Variants in SPTBN1 observed in about 807,000 individuals in gnomAD.
The protein encoded by SPTBN1 is spectrin beta, non-erythrocytic 1, also known as spectrin beta chain, non-erythrocytic 1.
SPTBN1 carries 32 observed loss-of-function variants against 266.4 expected under a neutral mutation model. The ratio of observed to expected loss-of-function variants is 0.12; its 90% CI spans 0.09 to 0.16. The LOEUF is 0.16. SPTBN1 is among the 10% of genes least tolerant of loss of function. The pLI, the probability that SPTBN1 is intolerant of heterozygous loss-of-function variation, is 1.00. For missense variants in SPTBN1, 2,296 were observed against 3,067.1 expected, an observed-to-expected ratio of 0.75 and a Z score of 5.94; for synonymous variants, 1,336 against 1,162.2, an observed-to-expected ratio of 1.15 and a Z score of -3.04.
intron 1 of SPTBN1, among the ~76,000 whole-genome samples, chr2:54,491,601 C>T (rs1470732047): frequency 6.6e-6 from 1 of 152,020 alleles, no homozygotes; most frequent in Admixed American, 6.6e-5. Context: ...TAATTTCTCT[C>T]TCTTTTTTTT....
intron 2 of SPTBN1, among the ~76,000 whole-genome samples, chr2:54,571,804 A>G (rs746234777): frequency 2.0e-5 from 3 of 152,216 alleles, no homozygotes; most frequent in Non-Finnish European, 2.9e-5. Flanking sequence ...GCAGTAATGC[A>G]TATGTTTTAA....
chr2:54,658,186 TG>T lies in SPTBN1; in HGVS notation c.6243+143del. The T allele has an allele frequency of 7.7e-6, 8 of 1,033,970 alleles. No individual in the cohort carries two copies. The South Asian group carries it at 9.7e-5, about 13-fold the overall frequency. The allele number at this position is 1,033,970 out of a possible 1,614,324, so 64.0% of individuals were successfully genotyped here. A position where few individuals can be genotyped will look rare whatever the true frequency, so the allele number is the denominator to read the frequency against. On this transcript the variant is annotated intron_variant, in intron 30 of 35. Transcript: ENST00000356805. ...TCAAGTAGTGAAGATCATCTTAAAA[TG>T]GGTGGCTCCTGTGGAGCAGGACCTA...
At chr2:54,627,746 T>C (rs1190038429) in intron 12 of SPTBN1, among the ~76,000 whole-genome samples, 1 of 152,162 alleles carries the variant, frequency 6.6e-6, no homozygotes, top group Non-Finnish European at 1.5e-5. Context: ...TTTTGGAATC[T>C]TTCATACAGC....
At chr2:54,620,074 C>G (rs1469491699) in intron 7 of SPTBN1, among the ~76,000 whole-genome samples, 2 of 152,198 alleles carry the variant, frequency 1.3e-5, no homozygotes, top group African/African-American at 4.8e-5. Context: ...CAAAGACTTG[C>G]CATTTTAAGT....
Position 54,666,031 on chromosome 2 carries a change from A to G in SPTBN1, c.6776A>G (p.Glu2259Gly), listed in dbSNP as rs763973529. 2.7e-5 allele frequency: 44 copies of G among 1,613,990 alleles called. No homozygotes were observed. Among genetic ancestry groups the G allele is most frequent in the Non-Finnish European group, 3.2e-5 (38 of 1,180,012 alleles). ...YHSEVPVSLK[E>G]AVCEVALDYK... Reference sequence around the variant, plus strand: ...AGCGAGGTCCCTGTGAGTTTGAAAGAAGCTGTCTGCGAAGTGGCCCTTGAT... The same window carrying G: ...AGCGAGGTCCCTGTGAGTTTGAAAGGAGCTGTCTGCGAAGTGGCCCTTGAT... The change falls in exon 34 of 36, where the codon GAA becomes GGA. Residue 2259 changes from glutamate to glycine, a missense_variant. Around this residue, in one of 12 missense-constraint regions of SPTBN1, gnomAD observed 347 missense variants for 368.5 expected, o/e 0.94. Transcript: ENST00000356805.
intron 2 of SPTBN1, among the ~76,000 whole-genome samples, chr2:54,564,163 G>C (rs532834871): frequency 2.6e-5 from 4 of 152,164 alleles, no homozygotes; most frequent in African/African-American, 9.7e-5. Context: ...ACAGTCAAGG[G>C]AATACCAACT....
chr2:54,531,273 C>T (rs558085555), intron 2 of SPTBN1, among the ~76,000 whole-genome samples: 1 of 152,220 alleles, frequency 6.6e-6, no homozygotes, highest in South Asian at 2.1e-4. Context: ...GGGACCAAGC[C>T]CTTTATCCTA....
chr2:54,620,232 T>C (rs902401677), intron 7 of SPTBN1, among the ~76,000 whole-genome samples: 1 of 152,174 alleles, frequency 6.6e-6, no homozygotes, highest in African/African-American at 2.4e-5. Flanking sequence ...AAACAAAACA[T>C]GCATAAAAAA....
intron 1 of SPTBN1, among the ~76,000 whole-genome samples, chr2:54,502,447 A>G (rs1424833198): frequency 1.3e-5 from 2 of 152,042 alleles, no homozygotes; most frequent in African/African-American, 2.4e-5. Context: ...TCCTGACATA[A>G]TTGTCTATTT....
chr2:54,618,157 C>G lies in SPTBN1; in HGVS notation c.727C>G (p.Gln243Glu). The change falls in exon 7 of 36, where the codon CAG becomes GAG. Residue 243 changes from glutamine (Q) to glutamate (E), a missense_variant. Gln to Glu is a conservative substitution (Grantham distance 29). Around this residue, in one of 12 missense-constraint regions of SPTBN1, gnomAD observed 178 missense variants for 375.7 expected, o/e 0.47. Transcript: ENST00000356805. ...NLQNAFNLAE[Q>E]HLGLTKLLDP... Reference sequence around the variant, plus strand: ...GCAGAATGCATTTAATCTGGCAGAACAGCACCTCGGCCTCACTAAACTGTT... The same window carrying G: ...GCAGAATGCATTTAATCTGGCAGAAGAGCACCTCGGCCTCACTAAACTGTT... The G allele has an allele frequency of 1.2e-6, 2 of 1,614,202 alleles. No homozygotes were observed. Among genetic ancestry groups the G allele is most frequent in the Non-Finnish European group, 8.5e-7 (1 of 1,180,040 alleles).
At chr2:54,585,343 G>T (rs754671556) in intron 2 of SPTBN1, among the ~76,000 whole-genome samples, 8 of 152,152 alleles carry the variant, frequency 5.3e-5, no homozygotes, top group Non-Finnish European at 1.0e-4. Flanking sequence ...GAGTGTGAGG[G>T]ATCTTATGGT....
At chr2:54,637,682 T>C (rs749807997) in intron 17 of SPTBN1, 31 bp from the exon 18 acceptor site, 2 of 1,551,536 alleles carry the variant, frequency 1.3e-6, no homozygotes, top group Non-Finnish European at 8.9e-7. Flanking sequence ...ACTTCCTTTT[T>C]TAAAAATTAT....
intron 18 of SPTBN1, among the ~76,000 whole-genome samples, chr2:54,642,203 T>C (rs1679618224): frequency 6.6e-6 from 1 of 152,094 alleles, no homozygotes; most frequent in Non-Finnish European, 1.5e-5. Flanking sequence ...CAAAAGTGGG[T>C]CTGGGCCTGG....
intron 1 of SPTBN1, among the ~76,000 whole-genome samples, chr2:54,501,306 CT>C (rs1432751586): frequency 6.6e-6 from 1 of 150,810 alleles, no homozygotes; most frequent in Non-Finnish European, 1.5e-5. Context: ...CTTTTTTTTT[CT>C]TTTTTATTCC....
At chr2:54,602,170 A>G (rs571054224) in intron 3 of SPTBN1, among the ~76,000 whole-genome samples, 32 of 152,342 alleles carry the variant, frequency 2.1e-4, no homozygotes, top group Admixed American at 9.8e-4. Flanking sequence ...TGAGTTCACT[A>G]TAGTCTATAA....
chr2:54,478,918 A>ATG (rs1255332356), intron 1 of SPTBN1, among the ~76,000 whole-genome samples: 1 of 152,048 alleles, frequency 6.6e-6, no homozygotes, highest in Non-Finnish European at 1.5e-5. Flanking sequence ...ATATGTGTAT[A>ATG]TATATATATG....
chr2:54,617,657 A>G lies in SPTBN1; in HGVS notation c.616A>G (p.Met206Val), dbSNP rs756750187. ...HNFTTSWRDG[M>V]AFNALIHKHR... ...TTTCACCACTAGCTGGAGGGACGGCATGGCCTTCAATGCACTGATACACAA... is the reference window on the plus strand; with the variant it reads ...TTTCACCACTAGCTGGAGGGACGGCGTGGCCTTCAATGCACTGATACACAA... The change falls in exon 6 of 36, where the codon ATG becomes GTG. Residue 206 changes from methionine (M) to valine (V), a missense_variant. Physicochemically the swap from Met to Val is conservative, Grantham distance 21 (BLOSUM62 1). Coordinates refer to ENST00000356805, the MANE Select transcript of SPTBN1 (RefSeq NM_003128.3). 1 of 1,614,188 alleles carries G rather than the reference A, an allele frequency of 6.2e-7. No homozygotes were observed. Among genetic ancestry groups the G allele is most frequent in the Non-Finnish European group, 8.5e-7 (1 of 1,180,014 alleles).
In SPTBN1 at chr2:54,571,546, T is replaced by TAC. The variant is rs71408769; in HGVS notation, c.149-27518_149-27517dup. Among the ~76,000 whole-genome samples, 1,286 of 134,490 alleles carry TAC rather than the reference T, an allele frequency of 9.6e-3. 16 individuals are homozygous for TAC. The highest frequency in any genetic ancestry group is 0.068 in the East Asian group (337 of 4,924). The allele number at this position is 134,490 out of a possible 152,430, so 88.2% of individuals were successfully genotyped here. ...CCTATTACTGTTCCCTAATTGTATG[T>TAC]ACACACACACACACACACACACACA... On this transcript the variant is annotated intron_variant, in intron 2 of 35. Transcript: ENST00000356805.
At position 54,626,571 on chromosome 2, in the gene SPTBN1, A is replaced by T. The variant is rs922656574; in HGVS notation, c.1644+337A>T. On this transcript the variant is annotated intron_variant, in intron 12 of 35. Coordinates refer to ENST00000356805, the MANE Select transcript of SPTBN1 (RefSeq NM_003128.3). The surrounding 1 kb of genome is among the most constrained non-coding windows in gnomAD (Gnocchi z 4.7). ...TTACCGTTTCATTGATCTGTGAGTG[A>T]GTGGTACTACTTTGGGCAGGGGTCC... Among the ~76,000 whole-genome samples, 1 of 152,192 alleles carries T rather than the reference A, an allele frequency of 6.6e-6. No homozygotes were observed. Among genetic ancestry groups the T allele is most frequent in the South Asian group, 2.1e-4 (1 of 4,818 alleles).
Sources: allele counts gnomAD v4.1 joint callset (sites outside exome capture counted in the v4.1 genomes callset), GRCh38; gene constraint gnomAD v4.1.1; regional missense constraint gnomAD v4.1.1; non-coding constraint Gnocchi (gnomAD v3.1); transcripts MANE v1.5; gene names NCBI Gene and HGNC (gene_info 2026-07-23, HGNC 2026-07-21).